The following SEC31B variants were observed in gnomAD, a reference collection of about 807,000 sequenced individuals.
SEC31B encodes protein transport protein Sec31B.
A neutral mutation model predicts 135.0 loss-of-function variants in SEC31B; 113 were observed. The observed-to-expected ratio is 0.84, with a 90% CI of 0.72 to 0.98. The LOEUF (loss-of-function observed/expected upper bound fraction) is 0.98, where lower values mean the gene tolerates loss of function less well. Ranked by LOEUF, SEC31B falls within the 50% of genes least tolerant of loss-of-function variation. The pLI is 0.00. For missense variants in SEC31B, 1,296 were observed against 1,421.1 expected (o/e 0.91, Z 1.42); for synonymous variants, 508 against 549.4 (o/e 0.92, Z 1.05).
chr10:100,489,213 A>T, intron 23 of SEC31B, 39 bp downstream of exon 23: 1 of 1,569,312 alleles, frequency 6.4e-7, no homozygotes, highest in Non-Finnish European at 8.6e-7. Context: ...GGAGGGCTGG[A>T]AGGTTTCCCA....
chr10:100,507,528 T>G lies in SEC31B; in HGVS notation c.679A>C (p.Thr227Pro), dbSNP rs1851655784. ...TCCTCTGAGCACAGCACTAACTGGG[T>G]GGCTATGTCAGGATGCCAGGCCAGG... Reference protein sequence around the residue: ...SGLAWHPDIATQLVLCSEDDR... With the variant: ...SGLAWHPDIAPQLVLCSEDDR... The change falls in exon 7 of 26, where the codon ACC (threonine) becomes CCC (proline). Residue 227 changes from threonine to proline, a missense_variant. By Grantham distance (38) the Thr-to-Pro change is conservative. Coordinates refer to ENST00000370345, the MANE Select transcript of SEC31B (RefSeq NM_015490.4). 1 of 1,614,032 alleles carries G rather than the reference T, an allele frequency of 6.2e-7. No individual in the cohort carries two copies.
At chr10:100,488,171 C>T in intron 24 of SEC31B, 73 bp from the exon 25 acceptor site, 1 of 1,388,096 alleles carries the variant, frequency 7.2e-7, no homozygotes, top group Non-Finnish European at 1.0e-6. Context: ...AGAATCACAG[C>T]ATATTAGGCC....
intron 19 of SEC31B, among the ~76,000 whole-genome samples, chr10:100,493,902 G>C (rs1851353126): frequency 6.6e-6 from 1 of 151,140 alleles, no homozygotes; most frequent in African/African-American, 2.5e-5. Context: ...ACATTTCTTT[G>C]CCACCTCCTG....
At chr10:100,509,283 C>T (rs1206665643) in intron 4 of SEC31B, 33 bp downstream of exon 4, 2 of 1,600,368 alleles carry the variant, frequency 1.2e-6, no homozygotes, top group Admixed American at 3.4e-5. Flanking sequence ...TGCTCCCTGG[C>T]TTGGCCATGT....
At chr10:100,512,800 C>A (rs1851759383) in intron 3 of SEC31B, among the ~76,000 whole-genome samples, 1 of 152,188 alleles carries the variant, frequency 6.6e-6, no homozygotes, top group Non-Finnish European at 1.5e-5. Flanking sequence ...AGAGACTGAA[C>A]ATGAAACCTG....
intron 19 of SEC31B, 126 bp from the exon 20 acceptor site, chr10:100,491,009 T>TTGATAAACATCTAAAAAC: frequency 1.8e-6 from 1 of 562,852 alleles, no homozygotes; most frequent in Non-Finnish European, 2.7e-6. Context: ...ATCAATAAAA[T>TTGATAAACATCTAAAAAC]TGATAAACAT....
chr10:100,515,332 T>C (rs1160794621), intron 3 of SEC31B, among the ~76,000 whole-genome samples: 5 of 152,190 alleles, frequency 3.3e-5, no homozygotes, highest in African/African-American at 1.2e-4. Flanking sequence ...TGTATACATT[T>C]ATATTGAATA....
At chr10:100,497,105 A>T (rs1275081999) in intron 17 of SEC31B, 30 bp downstream of exon 17, 1 of 1,607,228 alleles carries the variant, frequency 6.2e-7, no homozygotes, top group Admixed American at 1.7e-5. Context: ...CCTGGTGTGG[A>T]GTGGCCAGTA....
rs376075159 is a variant in SEC31B, at chr10:100,495,412, G to A, written c.2445C>T (p.Tyr815=). The A allele has an allele frequency of 6.8e-6, 11 of 1,613,924 alleles. No homozygotes were observed. Among genetic ancestry groups the A allele is most frequent in the Non-Finnish European group, 9.3e-6 (11 of 1,179,958 alleles). The change falls in exon 19 of 26, where the codon TAC becomes TAT. Residue 815 remains tyrosine, a synonymous_variant. Coordinates refer to ENST00000370345, the MANE Select transcript of SEC31B (RefSeq NM_015490.4). The part of the protein sequence containing the change: ...ATLHSKETSS[Y]RLGSQPSHQV... ...GGTGAGAAGGCTGGGATCCCAATCT[G>A]TAAGATGATGTCTCTTTAGAGTGGA...
chr10:100,507,770 T>C lies in SEC31B; in HGVS notation c.639+138A>G, dbSNP rs4919467. 6,909 of 1,335,410 alleles carry C rather than the reference T, an allele frequency of 5.2e-3. 643 individuals are homozygous for C. The Admixed American group carries it at 0.13, about 25-fold the overall frequency. The allele number at this position is 1,335,410 out of a possible 1,614,324, so 82.7% of individuals were successfully genotyped here. On this transcript the variant is annotated intron_variant, in intron 6 of 25. Coordinates refer to ENST00000370345, the MANE Select transcript of SEC31B (RefSeq NM_015490.4). ...AGCTTCCCTAAGTTTTCACTCTCAA[T>C]AGGAAATGTGCTAAGCGGCTGACTC...
chr10:100,501,127 C>T (rs1437704786), intron 11 of SEC31B, among the ~76,000 whole-genome samples: 1 of 151,864 alleles, frequency 6.6e-6, no homozygotes, highest in Non-Finnish European at 1.5e-5. Context: ...TGCCTGTAAT[C>T]CCAGCTATTT....
rs372340849 is a variant in SEC31B at position 100,497,676 on chromosome 10, C to G, written c.1981G>C (p.Glu661Gln). ...CTGGGACCACACTTACCACAGAGCT[C>G]GGGAAATTTCTCTGTGCCTGAGTAT... The part of the protein sequence containing the change: ...LTYSGTEKFP[E>Q]LCDMLGTRME... Residue 661 changes from glutamate (E) to glutamine (Q), a missense_variant, in exon 16 of 26, where the codon GAG (glutamate) becomes CAG (glutamine). Glu to Gln is a conservative substitution (Grantham distance 29). Coordinates refer to ENST00000370345, the MANE Select transcript of SEC31B (RefSeq NM_015490.4). 2.5e-6 allele frequency: 4 copies of G among 1,614,176 alleles called. No homozygotes were observed. The African/African-American group carries it at 5.3e-5, about 22-fold the overall frequency.
intron 23 of SEC31B, 33 bp downstream of exon 23, chr10:100,489,219 T>C: frequency 6.3e-7 from 1 of 1,575,080 alleles, no homozygotes; most frequent in South Asian, 1.2e-5. Context: ...CTGGAAGGTT[T>C]CCCAAGGGAG....
intron 9 of SEC31B, 89 bp downstream of exon 9, chr10:100,505,951 C>A: frequency 6.3e-7 from 1 of 1,581,756 alleles, no homozygotes; most frequent in Non-Finnish European, 8.6e-7. Context: ...TCCCAATCTC[C>A]AATATCTCCG....
At chr10:100,488,727 A>T in intron 24 of SEC31B, 131 bp downstream of exon 24, 1 of 1,242,828 alleles carries the variant, frequency 8.0e-7, no homozygotes, top group South Asian at 1.9e-5. Context: ...GACGTCAATT[A>T]AGTACAAGAT....
chr10:100,488,415 C>T (rs1455683661), intron 24 of SEC31B, among the ~76,000 whole-genome samples: 15 of 147,750 alleles, frequency 1.0e-4, no homozygotes, highest in Admixed American at 7.5e-4. Flanking sequence ...GCCGAGATCG[C>T]GCCACTGCAC....
In SEC31B at chr10:100,497,753, A is replaced by G. The variant is rs202064510; in HGVS notation, c.1904T>C (p.Val635Ala). The G allele has an allele frequency of 5.0e-6, 8 of 1,614,122 alleles. No homozygotes were observed. Among genetic ancestry groups the G allele is most frequent in the Middle Eastern group, 1.6e-4 (1 of 6,062 alleles). The change falls in exon 16 of 26, where the codon GTG becomes GCG. Residue 635 changes from valine (V) to alanine (A), a missense_variant. Transcript: ENST00000370345. ...CVVQKNWKDV[V>A]CTCSLKNWRE... Reference sequence around the variant, plus strand: ...CCAGTTCTTCAGGCTACAGGTACACACCACATCCTTCCAATTCTTTTGCAC... The same window carrying G: ...CCAGTTCTTCAGGCTACAGGTACACGCCACATCCTTCCAATTCTTTTGCAC...
chr10:100,497,360 A>T, intron 16 of SEC31B, 80 bp from the exon 17 acceptor site: 1 of 1,579,566 alleles, frequency 6.3e-7, no homozygotes, highest in Admixed American at 1.7e-5. Context: ...CAGGGAGAGG[A>T]CCATGAGCCT....
At chr10:100,498,605 G>A in intron 14 of SEC31B, 100 bp downstream of exon 14, 1 of 801,948 alleles carries the variant, frequency 1.2e-6, no homozygotes. Flanking sequence ...TGGGAGGAAG[G>A]CACGAGGCAG....
Sources: gnomAD v4.1 joint callset for allele counts (sites outside exome capture counted in the v4.1 genomes callset) on GRCh38, gnomAD v4.1.1 for gene constraint, MANE v1.5 for transcripts, NCBI Gene and HGNC (gene_info 2026-07-23, HGNC 2026-07-21) for gene names.